Variants in PRKD1 observed in about 807,000 individuals in gnomAD.
PRKD1 encodes the protein protein kinase D1.
A neutral mutation model predicts 95.9 loss-of-function variants in PRKD1; 63 were observed. The observed-to-expected ratio is 0.66, with a 90% confidence interval of 0.54 to 0.81. PRKD1 has a LOEUF of 0.81. PRKD1 is among the 30% of genes least tolerant of loss of function. The pLI, the probability that PRKD1 is intolerant of heterozygous loss-of-function variation, is 0.00. For synonymous variants in PRKD1, 425 were observed against 423.1 expected (o/e 1.00, Z -0.05); for missense variants, 1,048 against 1,165.3 (o/e 0.90, Z 1.47).
intron 4 of PRKD1, among the ~76,000 whole-genome samples, chr14:29,657,071 C>A (rs1881891812): frequency 6.6e-6 from 1 of 152,156 alleles, no homozygotes; most frequent in Non-Finnish European, 1.5e-5. Flanking sequence ...AACATGCCTA[C>A]AATGTATTCT....
chr14:29,602,776 C>T (rs1284307709), intron 13 of PRKD1, among the ~76,000 whole-genome samples: 1 of 152,108 alleles, frequency 6.6e-6, no homozygotes, highest in Non-Finnish European at 1.5e-5. Flanking sequence ...CAATTTATTC[C>T]TTTTTCCTAC....
At chr14:29,671,533 T>C (rs1010048440) in intron 2 of PRKD1, among the ~76,000 whole-genome samples, 8 of 152,034 alleles carry the variant, frequency 5.3e-5, no homozygotes, top group African/African-American at 1.4e-4. Context: ...ACAGACAAAA[T>C]AGAAAAAGCT....
At chr14:29,791,152 G>A (rs976555036) in intron 1 of PRKD1, among the ~76,000 whole-genome samples, 1 of 152,154 alleles carries the variant, frequency 6.6e-6, no homozygotes, top group Admixed American at 6.5e-5. Context: ...CCCATCTAAA[G>A]AGAAAACTAT....
chr14:29,858,208 C>G (rs1052832021), intron 1 of PRKD1, among the ~76,000 whole-genome samples: 1 of 152,170 alleles, frequency 6.6e-6, no homozygotes, highest in Non-Finnish European at 1.5e-5. Context: ...CACCCCTGAT[C>G]TCAGTTTGGT....
At chr14:29,603,291 A>G (rs768622163) in intron 13 of PRKD1, among the ~76,000 whole-genome samples, 1 of 152,216 alleles carries the variant, frequency 6.6e-6, no homozygotes, top group Admixed American at 6.5e-5. Flanking sequence ...TTTAACATTT[A>G]TTGTATATGG....
At chr14:29,805,468 A>C (rs1434819541) in intron 1 of PRKD1, among the ~76,000 whole-genome samples, 3 of 152,262 alleles carry the variant, frequency 2.0e-5, no homozygotes, top group Admixed American at 1.3e-4. Flanking sequence ...CCAGAAAAAT[A>C]GAATGCTAAT....
At chr14:29,769,432 G>C (rs1888406172) in intron 1 of PRKD1, among the ~76,000 whole-genome samples, 1 of 152,060 alleles carries the variant, frequency 6.6e-6, no homozygotes, top group Admixed American at 6.6e-5. Context: ...AGCCAGGTGT[G>C]ATAGCATACA....
chr14:29,638,981 C>G, intron 4 of PRKD1, 77 bp from the exon 5 acceptor site: 1 of 1,099,052 alleles, frequency 9.1e-7, no homozygotes, highest in Non-Finnish European at 1.3e-6. Context: ...TTTAAGATAC[C>G]GGTTTACTCT....
At chr14:29,910,150 G>A (rs1202873211) in intron 1 of PRKD1, among the ~76,000 whole-genome samples, 1 of 152,116 alleles carries the variant, frequency 6.6e-6, no homozygotes, top group African/African-American at 2.4e-5. Flanking sequence ...TTTATGAGCT[G>A]TAACACTCAC....
At chr14:29,725,769 A>T (rs1886111360) in intron 1 of PRKD1, 95 bp from the exon 2 acceptor site, 8 of 1,278,846 alleles carry the variant, frequency 6.3e-6, no homozygotes, top group Non-Finnish European at 7.5e-6. Context: ...CTAATTAGAA[A>T]AGTTCAAAGT....
chr14:29,713,363 T>C (rs1959431), intron 2 of PRKD1, among the ~76,000 whole-genome samples: 47,955 of 151,996 alleles, frequency 0.32, 7,728 homozygotes, highest in South Asian at 0.43. Context: ...ATCTAGATGA[T>C]TCGTTTGTGA....
intron 16 of PRKD1, among the ~76,000 whole-genome samples, chr14:29,596,897 T>A (rs895664436): frequency 2.6e-5 from 4 of 152,132 alleles, no homozygotes; most frequent in African/African-American, 7.2e-5. Context: ...AGAATATAAC[T>A]CTAAACAATG....
chr14:29,670,847 A>C (rs151263888), intron 2 of PRKD1, among the ~76,000 whole-genome samples: 24 of 152,326 alleles, frequency 1.6e-4, no homozygotes, highest in Admixed American at 1.4e-3. Context: ...CATTTTTGTT[A>C]TACCTGGAAA....
chr14:29,853,522 C>T lies in PRKD1; in HGVS notation c.264+73727G>A, dbSNP rs1349245642. On this transcript the variant is annotated intron_variant, in intron 1 of 17. Transcript: ENST00000331968. ...CACAAAATAAACAAACTTATCAAAG[C>T]TTATATTTCTAGACAGTGGCAGAGA... Among the ~76,000 whole-genome samples the T allele has an allele frequency of 2.0e-5, 3 of 152,196 alleles. No homozygotes were observed. In the East Asian group the frequency reaches 5.8e-4, roughly 29 times the overall value.
chr14:29,801,417 A>G (rs1425425402), intron 1 of PRKD1, among the ~76,000 whole-genome samples: 1 of 152,216 alleles, frequency 6.6e-6, no homozygotes, highest in African/African-American at 2.4e-5. Flanking sequence ...CAGTACCTTA[A>G]ACGATAAAGT....
chr14:29,654,847 G>T (rs1367188631), intron 4 of PRKD1, among the ~76,000 whole-genome samples: 6 of 152,194 alleles, frequency 3.9e-5, no homozygotes, highest in Non-Finnish European at 8.8e-5. Flanking sequence ...TTTCTCTGAA[G>T]AAATTCTGGT....
chr14:29,587,820 TTC>T (rs1198375617), intron 16 of PRKD1, among the ~76,000 whole-genome samples: 13 of 152,206 alleles, frequency 8.5e-5, no homozygotes, highest in African/African-American at 3.1e-4. Flanking sequence ...GTATAAAATA[TTC>T]TTTTATTAAA....
chr14:29,604,135 TTTG>T (rs1470935560), intron 13 of PRKD1, among the ~76,000 whole-genome samples: 1 of 152,236 alleles, frequency 6.6e-6, no homozygotes, highest in African/African-American at 2.4e-5. Flanking sequence ...TTCTAATTTT[TTTG>T]TTTTTACGTA....
At position 29,663,754 on chromosome 14, in the gene PRKD1, G is replaced by A. The variant is rs973668644; in HGVS notation, c.641C>T (p.Thr214Ile). 3.7e-6 allele frequency: 6 copies of A among 1,613,966 alleles called. No individual in the cohort carries two copies. Among genetic ancestry groups the A allele is most frequent in the Admixed American group, 1.7e-5 (1 of 60,000 alleles). Residue 214 changes from threonine (T) to isoleucine (I), a missense_variant, in exon 4 of 18, where the codon ACC becomes ATC. Transcript: ENST00000331968. ...LSNVSLTGVSTIRTSSAELST... is the reference protein window; with the variant it reads ...LSNVSLTGVSIIRTSSAELST... Reference sequence around the variant, plus strand: ...GAGTTCAGCAGATGATGTGCGGATGGTGCTGACCCCAGTGAGGGAAACGTT... The same window carrying A: ...GAGTTCAGCAGATGATGTGCGGATGATGCTGACCCCAGTGAGGGAAACGTT...
Sources: gnomAD v4.1 joint callset for allele counts (sites outside exome capture counted in the v4.1 genomes callset) on GRCh38, gnomAD v4.1.1 for gene constraint, MANE v1.5 for transcripts, NCBI Gene and HGNC (gene_info 2026-07-23, HGNC 2026-07-21) for gene names.